The following ABCC9 variants were observed in gnomAD, a reference collection of about 807,000 sequenced individuals.
ABCC9 encodes ATP binding cassette subfamily C member 9.
ABCC9 carries 95 observed loss-of-function variants against 188.3 expected under a neutral mutation model. That is an observed-to-expected ratio of 0.50 (90% CI 0.43 to 0.60). ABCC9 has a LOEUF of 0.60. Ranked by LOEUF, ABCC9 falls within the 20% of genes least tolerant of loss-of-function variation. ABCC9 has a pLI of 0.00. For missense variants in ABCC9, 1,102 were observed against 1,876.3 expected (o/e 0.59, Z 7.62); for synonymous variants, 659 against 652.7 (o/e 1.01, Z -0.15).
At position 21,848,976 on chromosome 12, in the gene ABCC9, C is replaced by T. The variant is rs1396986718; in HGVS notation, c.2770-730G>A. On this transcript the variant is annotated intron_variant, in intron 24 of 39. Coordinates refer to ENST00000261200, the MANE Select transcript of ABCC9 (RefSeq NM_020297.4). Reference sequence around the variant, plus strand: ...TTTCATTTTCTCCATGCCCTGCTTCCAACACACCAGCTCCCCTGACCTCAG... The same window carrying T: ...TTTCATTTTCTCCATGCCCTGCTTCTAACACACCAGCTCCCCTGACCTCAG... 2.6e-5 allele frequency among the ~76,000 whole-genome samples: 4 copies of T among 152,098 alleles called. No individual in the cohort carries two copies. In the East Asian group the frequency reaches 7.7e-4, roughly 29 times the overall value.
chr12:21,932,481 A>G (rs1262019018), intron 4 of ABCC9, among the ~76,000 whole-genome samples: 8 of 152,144 alleles, frequency 5.3e-5, no homozygotes, highest in Admixed American at 1.3e-4. Context: ...GTAAAAAGAC[A>G]ACCTACAAAA....
Position 21,838,543 on chromosome 12 carries a change from A to G in ABCC9, c.3474-373T>C, listed in dbSNP as rs549536541. On this transcript the variant is annotated intron_variant, in intron 29 of 39. Coordinates refer to ENST00000261200, the MANE Select transcript of ABCC9 (RefSeq NM_020297.4). Reference sequence around the variant, plus strand: ...CCTTAAGCTTGATGAGGGCTTCTACAAAATAGACAAGAAGAAAAATAACAA... The same window carrying G: ...CCTTAAGCTTGATGAGGGCTTCTACGAAATAGACAAGAAGAAAAATAACAA... 2.0e-5 allele frequency among the ~76,000 whole-genome samples: 3 copies of G among 152,330 alleles called. No homozygotes were observed. In the East Asian group the frequency reaches 5.8e-4, roughly 29 times the overall value.
chr12:21,933,677 AAATATAAAGC>A lies in ABCC9; in HGVS notation c.284+95_284+104del. On this transcript the variant is annotated intron_variant, in intron 4 of 39. Transcript: ENST00000261200. ...AGAGCTACATGGATCAGAGAGCAAA[AAATATAAAGC>A]ACATTTATGGGCACAAGTTACAAAG... 32 of 1,410,002 alleles carry A rather than the reference AAATATAAAGC, an allele frequency of 2.3e-5. No individual in the cohort carries two copies. The South Asian group carries it at 3.8e-4, about 17-fold the overall frequency. 87.3% of individuals were successfully genotyped at this position (1,410,002 alleles called of 1,614,324 possible).
intron 12 of ABCC9, among the ~76,000 whole-genome samples, chr12:21,898,614 G>A (rs1947551782): frequency 6.6e-6 from 1 of 152,142 alleles, no homozygotes; most frequent in South Asian, 2.1e-4. Context: ...AATTCAAGAG[G>A]AAACAATATA....
intron 12 of ABCC9, among the ~76,000 whole-genome samples, chr12:21,898,754 C>A (rs1947559006): frequency 6.6e-6 from 1 of 151,960 alleles, no homozygotes; most frequent in Non-Finnish European, 1.5e-5. Context: ...CTAACATAAA[C>A]CCTGTTATTC....
At position 21,905,232 on chromosome 12, in the gene ABCC9, G is replaced by T. The variant is rs59273147; in HGVS notation, c.1618+894C>A. Among the ~76,000 whole-genome samples the T allele has an allele frequency of 8.5e-5, 13 of 152,108 alleles. No individual in the cohort carries two copies. In the East Asian group the frequency reaches 2.5e-3, roughly 29 times the overall value. ...TGGGAACTGAACAATGAAAACACTTGGACCCCTCACATCACACACCGGGGC... is the reference window on the plus strand; with the variant it reads ...TGGGAACTGAACAATGAAAACACTTTGACCCCTCACATCACACACCGGGGC... On this transcript the variant is annotated intron_variant, in intron 12 of 39. Coordinates refer to ENST00000261200, the MANE Select transcript of ABCC9 (RefSeq NM_020297.4).
At position 21,915,514 on chromosome 12, in the gene ABCC9, A is replaced by ATATATATATTTTTT; in HGVS notation, c.816+153_816+154insAAAAAATATATATA. Among the ~76,000 whole-genome samples the ATATATATATTTTTT allele has an allele frequency of 2.6e-3, 9 of 3,518 alleles. 1 individual carries two copies. Among genetic ancestry groups the ATATATATATTTTTT allele is most frequent in the Admixed American group, 6.7e-3 (1 of 150 alleles). 2.3% of individuals were successfully genotyped at this position (3,518 alleles called of 152,430 possible). A position where few individuals can be genotyped will look rare whatever the true frequency, so the allele number is the denominator to read the frequency against. ...TGTGTGTGTGTGTATATATATATAT[A>ATATATATATTTTTT]TTTTTTTTTTTTTTTTGAGACAGAG... On this transcript the variant is annotated intron_variant, in intron 7 of 39. Coordinates refer to ENST00000261200, the MANE Select transcript of ABCC9 (RefSeq NM_020297.4).
intron 5 of ABCC9, chr12:21,923,678 A>G (rs1948927737): frequency 1.7e-6 from 1 of 586,070 alleles, no homozygotes. Flanking sequence ...AGTGAGTATA[A>G]AAAATGATAC....
intron 12 of ABCC9, among the ~76,000 whole-genome samples, chr12:21,902,197 A>G (rs1947793245): frequency 6.6e-6 from 1 of 152,202 alleles, no homozygotes; most frequent in African/African-American, 2.4e-5. Context: ...CTGAATGACC[A>G]CTGGGTACAT....
chr12:21,876,135 A>T (rs994989136), intron 16 of ABCC9, among the ~76,000 whole-genome samples: 13 of 152,190 alleles, frequency 8.5e-5, no homozygotes, highest in African/African-American at 2.2e-4. Flanking sequence ...TGAAATTCTG[A>T]TTTAGAGTTA....
At chr12:21,862,568 C>G (rs115045822) in intron 20 of ABCC9, among the ~76,000 whole-genome samples, 1 of 141,496 alleles carries the variant, frequency 7.1e-6, no homozygotes, top group Non-Finnish European at 1.5e-5. Context: ...CACCAGACCC[C>G]TCAGGTCCTA....
chr12:21,902,722 G>C (rs550772130), intron 12 of ABCC9, among the ~76,000 whole-genome samples: 82 of 152,050 alleles, frequency 5.4e-4, no homozygotes, highest in African/African-American at 1.7e-3. Context: ...GACACATACA[G>C]CCTCCCAAGA....
At chr12:21,910,625 CATT>C (rs1948279670) in intron 9 of ABCC9, among the ~76,000 whole-genome samples, 198 bp downstream of exon 9, 1 of 151,786 alleles carries the variant, frequency 6.6e-6, no homozygotes. Flanking sequence ...TTTTTCTTAA[CATT>C]ATTTGAAAGT....
At chr12:21,818,295 T>C in intron 31 of ABCC9, 44 bp from the exon 32 acceptor site, 3 of 1,502,034 alleles carry the variant, frequency 2.0e-6, no homozygotes, top group Non-Finnish European at 9.3e-7. Context: ...ACTCCCAAGT[T>C]CTTAAACCAA....
intron 16 of ABCC9, among the ~76,000 whole-genome samples, chr12:21,877,178 T>C (rs1946400928): frequency 6.6e-6 from 1 of 152,054 alleles, no homozygotes; most frequent in Admixed American, 6.6e-5. Flanking sequence ...TTGCAATCAG[T>C]TGAGTAAGTA....
At chr12:21,807,618 G>T (rs1185246602) in intron 37 of ABCC9, 139 bp from the exon 38 acceptor site, 7 of 1,168,838 alleles carry the variant, frequency 6.0e-6, no homozygotes, top group Non-Finnish European at 8.6e-6. Context: ...CTTCATACTG[G>T]AACACAAAGA....
intron 35 of ABCC9, among the ~76,000 whole-genome samples, chr12:21,813,121 C>T (rs1362997691): frequency 6.6e-6 from 1 of 152,116 alleles, no homozygotes; most frequent in Non-Finnish European, 1.5e-5. Context: ...AATACAAGCT[C>T]TTTAAAAACC....
At chr12:21,897,738 C>T (rs1340050081) in intron 12 of ABCC9, among the ~76,000 whole-genome samples, 2 of 152,142 alleles carry the variant, frequency 1.3e-5, no homozygotes, top group Non-Finnish European at 2.9e-5. Context: ...TGGAATTTTG[C>T]TCCATTGACT....
intron 18 of ABCC9, among the ~76,000 whole-genome samples, chr12:21,870,294 T>A (rs1016511218): frequency 1.3e-4 from 20 of 152,054 alleles, no homozygotes; most frequent in Non-Finnish European, 2.8e-4. Context: ...TCTCACTCTG[T>A]CGCCCAGGCT....
Sources: allele counts gnomAD v4.1 joint callset (sites outside exome capture counted in the v4.1 genomes callset), GRCh38; gene constraint gnomAD v4.1.1; transcripts MANE v1.5; gene names NCBI Gene and HGNC (gene_info 2026-07-23, HGNC 2026-07-21).